Variants in TMEM59 observed in about 807,000 individuals in gnomAD.
TMEM59 encodes the protein transmembrane protein 59, also known as dendritic cell factor 1.
A neutral mutation model predicts 42.2 loss-of-function variants in TMEM59; 44 were observed. That is an observed-to-expected ratio of 1.04 (90% CI 0.82 to 1.34). The LOEUF (loss-of-function observed/expected upper bound fraction) is 1.34, where lower values mean the gene tolerates loss of function less well. Ranked by LOEUF, TMEM59 falls within the 40% of genes most tolerant of loss-of-function variation. TMEM59 has a pLI of 0.00. For missense variants in TMEM59, 359 were observed against 382.8 expected, an observed-to-expected ratio of 0.94 and a Z score of 0.52; for synonymous variants, 148 against 145.8, an observed-to-expected ratio of 1.02 and a Z score of -0.11.
At chr1:54,053,371 C>T (rs150605154), upstream of TMEM59, 310 of 664,952 alleles carry the variant, frequency 4.7e-4, 2 homozygotes, top group African/African-American at 4.8e-3. Flanking sequence ...GGACTACGAA[C>T]TTCTTCTCCT....
At chr1:54,053,407 A>G (rs994563009), upstream of TMEM59, 5 of 589,996 alleles carry the variant, frequency 8.5e-6, no homozygotes, top group Non-Finnish European at 1.5e-5. Flanking sequence ...GGGGAATTCA[A>G]CCATCGCAAG....
At chr1:54,048,305 A>G (rs907710545) in intron 1 of TMEM59, among the ~76,000 whole-genome samples, 6 of 152,384 alleles carry the variant, frequency 3.9e-5, no homozygotes, top group Non-Finnish European at 5.9e-5. Context: ...GGGTGAGTGC[A>G]TAAGTTATTT....
chr1:54,045,866 A>T, intron 2 of TMEM59, 80 bp from the exon 3 acceptor site: 6 of 1,315,362 alleles, frequency 4.6e-6, no homozygotes, highest in Non-Finnish European at 6.2e-6. Flanking sequence ...CATTTTATTA[A>T]AAAAATTTTT....
rs745656590 is a variant in TMEM59 at position 54,043,380 on chromosome 1, A to G, written c.536T>C (p.Ile179Thr). 3 of 1,546,816 alleles carry G rather than the reference A, an allele frequency of 1.9e-6. No individual in the cohort carries two copies. The highest frequency in any genetic ancestry group is 1.4e-5 in the African/African-American group (1 of 72,398). Residue 179 changes from isoleucine to threonine, a missense_variant, in exon 4 of 8, where the codon ATA becomes ACA. Ile to Thr is a moderately conservative substitution (Grantham distance 89). Coordinates refer to ENST00000234831, the MANE Select transcript of TMEM59 (RefSeq NM_004872.5). ...ATGAAGCTCAGTTGTCACCTGGAAT[A>G]TAACTATTTTTCCGTCATCGGCTTG... ...YLQADDGKIVIFQSKPEIQYA... is the reference protein window; with the variant it reads ...YLQADDGKIVTFQSKPEIQYA...
At position 54,035,295 on chromosome 1, in the gene TMEM59, T is replaced by C. The variant is rs561891828; in HGVS notation, c.816+1315A>G. Among the ~76,000 whole-genome samples, 3 of 152,350 alleles carry C rather than the reference T, an allele frequency of 2.0e-5. No homozygotes were observed. In the South Asian group the frequency reaches 6.2e-4, roughly 32 times the overall value. On this transcript the variant is annotated intron_variant, in intron 7 of 7. Transcript: ENST00000234831. ...ATGTTAGGCACATGCCAATGGCTTA[T>C]TATTAGATTCTAATTTCTGTCTTTT... is the stretch of plus-strand genomic sequence containing the variant.
At chr1:54,035,462 T>C (rs1177092446) in intron 7 of TMEM59, among the ~76,000 whole-genome samples, 1 of 152,236 alleles carries the variant, frequency 6.6e-6, no homozygotes, top group Non-Finnish European at 1.5e-5. Flanking sequence ...AATTAAATTA[T>C]AGCCTTTCCC....
Position 54,027,783 on chromosome 1 carries a change from A to AG in TMEM59, c.*4366dup, listed in dbSNP as rs1352678804. On this transcript the variant is annotated 3_prime_UTR_variant, in exon 8 of 8. Coordinates refer to ENST00000234831, the MANE Select transcript of TMEM59 (RefSeq NM_004872.5). ...GAGACTCTGTCTCAAAAAAAAAAAA[A>AG]GTGAAATATATGAAGCTGACTTCAA... is the stretch of plus-strand genomic sequence containing the variant. 1 of 151,980 alleles carries AG rather than the reference A, an allele frequency of 6.6e-6. No homozygotes were observed. The highest frequency in any genetic ancestry group is 1.5e-5 in the Non-Finnish European group (1 of 68,036). 9.4% of individuals were successfully genotyped at this position (151,980 alleles called of 1,614,324 possible).
At chr1:54,049,517 C>CA (rs1657457639) in intron 1 of TMEM59, among the ~76,000 whole-genome samples, 2 of 152,144 alleles carry the variant, frequency 1.3e-5, no homozygotes, top group African/African-American at 4.8e-5. Context: ...CTAAGTATTT[C>CA]ATGTTATATA....
Position 54,030,929 on chromosome 1 carries a change from T to G in TMEM59, c.*1221A>C, listed in dbSNP as rs1656746859. 6.6e-6 allele frequency: 1 copy of G among 152,276 alleles called. No individual in the cohort carries two copies. The highest frequency in any genetic ancestry group is 2.1e-4 in the South Asian group (1 of 4,832). 9.4% of individuals were successfully genotyped at this position (152,276 alleles called of 1,614,324 possible). ...TTGTTTTACAAAGTTTTTAATATTT[T>G]ATGGCATAATAACAGTGAATCATAT... On this transcript the variant is annotated 3_prime_UTR_variant, in exon 8 of 8. Transcript: ENST00000234831.
At chr1:54,042,250 C>T (rs1235942781) in intron 4 of TMEM59, among the ~76,000 whole-genome samples, 1 of 152,100 alleles carries the variant, frequency 6.6e-6, no homozygotes, top group Non-Finnish European at 1.5e-5. Context: ...TATGAGGAAT[C>T]CATAAATTAC....
chr1:54,039,302 A>G (rs994576946), intron 6 of TMEM59, among the ~76,000 whole-genome samples: 2 of 152,246 alleles, frequency 1.3e-5, no homozygotes, highest in African/African-American at 4.8e-5. Flanking sequence ...AACATAACAT[A>G]TAATGACAAA....
intron 7 of TMEM59, 29 bp downstream of exon 7, chr1:54,036,579 TCA>T: frequency 1.4e-6 from 2 of 1,451,568 alleles, no homozygotes; most frequent in Non-Finnish European, 1.9e-6. Flanking sequence ...ATCACAGGGC[TCA>T]GTCTTCAAAT....
Position 54,029,918 on chromosome 1 carries a change from T to C in TMEM59, c.*2232A>G, listed in dbSNP as rs1656710930. ...TGCAAACATCAGTCTGGCTTAATTA[T>C]GCTAAAAAAGAGGAGACAAATATTT... On this transcript the variant is annotated 3_prime_UTR_variant, in exon 8 of 8. Coordinates refer to ENST00000234831, the MANE Select transcript of TMEM59 (RefSeq NM_004872.5). 1 of 152,166 alleles carries C rather than the reference T, an allele frequency of 6.6e-6. No individual in the cohort carries two copies. The highest frequency in any genetic ancestry group is 2.4e-5 in the African/African-American group (1 of 41,454). 9.4% of individuals were successfully genotyped at this position (152,166 alleles called of 1,614,324 possible).
At chr1:54,044,960 T>G (rs897760609) in intron 3 of TMEM59, 3 of 152,194 alleles carry the variant, frequency 2.0e-5, no homozygotes, top group African/African-American at 7.2e-5. Flanking sequence ...GAAAACTGAG[T>G]GGCTAAGAGA....
In TMEM59 at chr1:54,031,139, T is replaced by A. The variant is rs139703732; in HGVS notation, c.*1011A>T. 3.7e-4 allele frequency: 57 copies of A among 152,370 alleles called. No individual in the cohort carries two copies. Among genetic ancestry groups the A allele is most frequent in the Non-Finnish European group, 6.2e-4 (42 of 68,110 alleles). 9.4% of individuals were successfully genotyped at this position (152,370 alleles called of 1,614,324 possible). A position where few individuals can be genotyped will look rare whatever the true frequency, so the allele number is the denominator to read the frequency against. ...GGTGGCGCATGCCTGTAATCCCAGC[T>A]ACTCGGGAGGCTGAGGCAGGAGAAT... is the stretch of plus-strand genomic sequence containing the variant. On this transcript the variant is annotated 3_prime_UTR_variant, in exon 8 of 8. Transcript: ENST00000234831.
intron 4 of TMEM59, 34 bp downstream of exon 4, chr1:54,043,339 G>A (rs1657206455): frequency 6.7e-7 from 1 of 1,481,514 alleles, no homozygotes; most frequent in Non-Finnish European, 9.0e-7. Flanking sequence ...ACTGTTGTTA[G>A]TATTTAGATG....
At chr1:54,038,664 A>G (rs1271993955) in intron 6 of TMEM59, among the ~76,000 whole-genome samples, 1 of 152,216 alleles carries the variant, frequency 6.6e-6, no homozygotes, top group Non-Finnish European at 1.5e-5. Context: ...AAATAGTTAC[A>G]GCAGAATAGG....
chr1:54,045,252 C>G (rs1450913977), intron 3 of TMEM59, among the ~76,000 whole-genome samples: 3 of 152,050 alleles, frequency 2.0e-5, no homozygotes, highest in African/African-American at 7.2e-5. Flanking sequence ...AAAAAAAAAT[C>G]TGGACACAGC....
intron 2 of TMEM59, 78 bp from the exon 3 acceptor site, chr1:54,045,864 T>A: frequency 7.5e-7 from 1 of 1,325,314 alleles, no homozygotes; most frequent in Non-Finnish European, 1.0e-6. Flanking sequence ...GGCATTTTAT[T>A]AAAAAAATTT....
Sources: allele counts gnomAD v4.1 joint callset (sites outside exome capture counted in the v4.1 genomes callset), GRCh38; gene constraint gnomAD v4.1.1; transcripts MANE v1.5; gene names NCBI Gene and HGNC (gene_info 2026-07-23, HGNC 2026-07-21).